Variants in FOXJ3 observed in about 807,000 individuals in gnomAD.
FOXJ3 encodes the protein forkhead box J3, also known as forkhead box protein J3.
A neutral mutation model predicts 76.1 loss-of-function variants in FOXJ3; 22 were observed. The ratio of observed to expected loss-of-function variants is 0.29; its 90% CI spans 0.21 to 0.41. The LOEUF (loss-of-function observed/expected upper bound fraction) is 0.41. FOXJ3 is among the 10% of genes least tolerant of loss of function. The pLI is 1.00. For synonymous variants in FOXJ3, 269 were observed against 261.2 expected, an observed-to-expected ratio of 1.03 and a Z score of -0.29; for missense variants, 613 against 762.1, an observed-to-expected ratio of 0.80 and a Z score of 2.30.
intron 2 of FOXJ3, among the ~76,000 whole-genome samples, chr1:42,285,720 G>A (rs934491053): frequency 8.8e-4 from 45 of 51,228 alleles, no homozygotes; most frequent in African/African-American, 1.6e-3. Context: ...CCAAAGAGCA[G>A]ATTAAAAGGA....
chr1:42,268,478 T>C (rs1186788347), intron 3 of FOXJ3, among the ~76,000 whole-genome samples: 1 of 151,906 alleles, frequency 6.6e-6, no homozygotes, highest in African/African-American at 2.4e-5. Context: ...ATCACAAAAA[T>C]AAATGAACAG....
intron 5 of FOXJ3, among the ~76,000 whole-genome samples, chr1:42,211,144 G>A (rs192572838): frequency 3.3e-4 from 50 of 152,128 alleles, no homozygotes; most frequent in African/African-American, 1.1e-3. Context: ...GAAGAAGATT[G>A]GGATTTCTTC....
At chr1:42,248,309 C>T (rs1370509936) in intron 4 of FOXJ3, among the ~76,000 whole-genome samples, 1 of 151,510 alleles carries the variant, frequency 6.6e-6, no homozygotes, top group Non-Finnish European at 1.5e-5. Context: ...CTGAGGTGGG[C>T]CGATCACGAG....
At chr1:42,311,252 A>G in intron 1 of FOXJ3, 142 bp from the exon 2 acceptor site, 1 of 596,298 alleles carries the variant, frequency 1.7e-6, no homozygotes, top group Non-Finnish European at 2.9e-6. Context: ...TCACCCCATC[A>G]GAACACAAAC....
chr1:42,241,326 C>T (rs550456199), intron 4 of FOXJ3, among the ~76,000 whole-genome samples: 6 of 152,288 alleles, frequency 3.9e-5, no homozygotes, highest in East Asian at 1.9e-4. Context: ...TACTTGTACA[C>T]GCCTTGAGGA....
chr1:42,182,094 T>C (rs1646336719), intron 11 of FOXJ3, 70 bp from the exon 12 acceptor site: 1 of 806,756 alleles, frequency 1.2e-6, no homozygotes. Context: ...CACTAAAATC[T>C]TAACAGAATT....
intron 5 of FOXJ3, among the ~76,000 whole-genome samples, chr1:42,227,383 C>T (rs1488160132): frequency 6.6e-6 from 1 of 152,198 alleles, no homozygotes; most frequent in East Asian, 1.9e-4. Context: ...TTCACTCTTG[C>T]AAATTAATTT....
At chr1:42,304,504 A>G (rs1370852157) in intron 2 of FOXJ3, among the ~76,000 whole-genome samples, 2 of 152,186 alleles carry the variant, frequency 1.3e-5, no homozygotes, top group Non-Finnish European at 2.9e-5. Context: ...TTCAAGTTAT[A>G]CTACAGAGCT....
In FOXJ3 at chr1:42,232,719, A is replaced by G. The variant is rs532253371; in HGVS notation, c.445-4753T>C. ...GCCCTTTGTCAGATGAGTAGATTGC[A>G]AAAATTTTCTCCCATTCTGTAGGCT... On this transcript the variant is annotated intron_variant, in intron 4 of 12. Transcript: ENST00000361346. Among the ~76,000 whole-genome samples, 473 of 152,306 alleles carry G rather than the reference A, an allele frequency of 3.1e-3. 2 individuals carry two copies. Among genetic ancestry groups the G allele is most frequent in the African/African-American group, 2.0e-3 (83 of 41,576 alleles).
At chr1:42,182,243 A>G (rs624614) in intron 11 of FOXJ3, among the ~76,000 whole-genome samples, 125,081 of 152,182 alleles carry the variant, frequency 0.82, 51,617 homozygotes, top group Middle Eastern at 0.92. Context: ...AACTAATGCT[A>G]GCGCTGCCAC....
At chr1:42,248,466 G>A (rs1318338515) in intron 4 of FOXJ3, among the ~76,000 whole-genome samples, 6 of 151,578 alleles carry the variant, frequency 4.0e-5, no homozygotes, top group Admixed American at 6.6e-5. Flanking sequence ...CCCGGGAGGC[G>A]GAGTTTGCAG....
At chr1:42,280,492 A>C in intron 2 of FOXJ3, 1 of 899,410 alleles carries the variant, frequency 1.1e-6, no homozygotes, top group Non-Finnish European at 1.3e-6. Flanking sequence ...TACAATCTCA[A>C]CCAGAAATGC....
intron 1 of FOXJ3, among the ~76,000 whole-genome samples, chr1:42,321,656 G>A (rs1655434640): frequency 6.6e-6 from 1 of 152,158 alleles, no homozygotes; most frequent in Non-Finnish European, 1.5e-5. Flanking sequence ...TCTTGTTGGA[G>A]AAATGAAAAT....
intron 2 of FOXJ3, among the ~76,000 whole-genome samples, chr1:42,306,273 C>T (rs1438645956): frequency 6.8e-6 from 1 of 147,236 alleles, no homozygotes; most frequent in Non-Finnish European, 1.5e-5. Context: ...ACAGAAATTA[C>T]ATCCATCACT....
intron 1 of FOXJ3, among the ~76,000 whole-genome samples, chr1:42,313,568 A>C (rs571156798): frequency 4.6e-5 from 7 of 152,304 alleles, no homozygotes; most frequent in Non-Finnish European, 7.4e-5. Context: ...ATACAGCAGA[A>C]ACATCAGTTA....
At chr1:42,276,616 T>G (rs1192302085) in intron 3 of FOXJ3, among the ~76,000 whole-genome samples, 3 of 152,176 alleles carry the variant, frequency 2.0e-5, no homozygotes, top group African/African-American at 4.8e-5. Context: ...TTGTTTTGCT[T>G]AAAGTCAGTT....
At chr1:42,184,574 C>A (rs929030932) in intron 11 of FOXJ3, among the ~76,000 whole-genome samples, 2 of 152,040 alleles carry the variant, frequency 1.3e-5, no homozygotes, top group Non-Finnish European at 2.9e-5. Flanking sequence ...TCAGGCACTG[C>A]TCGAGGCACT....
intron 3 of FOXJ3, among the ~76,000 whole-genome samples, chr1:42,275,784 A>G (rs527676487): frequency 6.6e-6 from 1 of 152,336 alleles, no homozygotes; most frequent in East Asian, 1.9e-4. Flanking sequence ...TTCCAGGGGC[A>G]AGGAAGATAC....
chr1:42,224,479 C>T (rs994045488), intron 5 of FOXJ3, among the ~76,000 whole-genome samples: 1 of 151,968 alleles, frequency 6.6e-6, no homozygotes, highest in Non-Finnish European at 1.5e-5. Flanking sequence ...ATGATGAAAC[C>T]CCATCTCTAC....
Sources: gnomAD v4.1 joint callset for allele counts (sites outside exome capture counted in the v4.1 genomes callset) on GRCh38, gnomAD v4.1.1 for gene constraint, MANE v1.5 for transcripts, NCBI Gene and HGNC (gene_info 2026-07-23, HGNC 2026-07-21) for gene names.